Variants in BBS9 observed in about 807,000 individuals in gnomAD.
BBS9 encodes Bardet-Biedl syndrome 9.
Under a neutral mutation model 117.7 loss-of-function variants are expected in BBS9, and 89 were observed. That is an observed-to-expected ratio of 0.76 (90% CI 0.64 to 0.90). The LOEUF (loss-of-function observed/expected upper bound fraction) is 0.90, where lower values mean the gene tolerates loss of function less well. BBS9 is among the 40% of genes least tolerant of loss of function. BBS9 has a pLI of 0.00. For missense variants in BBS9, 982 were observed against 1,042.2 expected (o/e 0.94, Z 0.80); for synonymous variants, 379 against 370.9 (o/e 1.02, Z -0.25).
chr7:33,524,717 T>G (rs1346866352), intron 20 of BBS9, among the ~76,000 whole-genome samples: 1 of 152,190 alleles, frequency 6.6e-6, no homozygotes, highest in Non-Finnish European at 1.5e-5. Flanking sequence ...GATTCATTGA[T>G]TTTTTGAAGG....
intron 5 of BBS9, among the ~76,000 whole-genome samples, chr7:33,248,028 G>C (rs1342338720): frequency 6.6e-6 from 1 of 152,082 alleles, no homozygotes; most frequent in East Asian, 1.9e-4. Flanking sequence ...TCTTTGTGAG[G>C]CAATTAAAAT....
Position 33,534,069 on chromosome 7 carries a change from C to G in BBS9, c.2414C>G (p.Thr805Arg). ...AGCCAGCTGAACATACCCAAAGACA[C>G]AAGCCAACTGAAGAAACATATCACC... Reference protein sequence around the residue: ...LNSQLNIPKDTSQLKKHITLL... With the variant: ...LNSQLNIPKDRSQLKKHITLL... The change falls in exon 21 of 23, where the codon ACA (threonine) becomes AGA (arginine). Residue 805 changes from threonine to arginine, a missense_variant. Coordinates refer to ENST00000242067, the MANE Select transcript of BBS9 (RefSeq NM_198428.3). 1 of 1,614,208 alleles carries G rather than the reference C, an allele frequency of 6.2e-7. No individual in the cohort carries two copies. Among genetic ancestry groups the G allele is most frequent in the South Asian group, 1.1e-5 (1 of 91,086 alleles).
At chr7:33,503,916 G>A (rs1845800399) in intron 19 of BBS9, among the ~76,000 whole-genome samples, 1 of 152,138 alleles carries the variant, frequency 6.6e-6, no homozygotes, top group Non-Finnish European at 1.5e-5. Flanking sequence ...AGCTCCGTTT[G>A]AGTAAAAGAG....
intron 21 of BBS9, among the ~76,000 whole-genome samples, chr7:33,537,747 G>T (rs190044343): frequency 1.2e-3 from 189 of 152,238 alleles, no homozygotes; most frequent in African/African-American, 4.5e-3. Flanking sequence ...TTTTGCAGGA[G>T]GCTTCCTTTT....
chr7:33,337,666 T>G lies in BBS9; in HGVS notation c.1198+1044T>G, dbSNP rs567509692. Among the ~76,000 whole-genome samples the G allele has an allele frequency of 3.3e-5, 5 of 152,270 alleles. No individual in the cohort carries two copies. The East Asian group carries it at 7.7e-4, about 23-fold the overall frequency. On this transcript the variant is annotated intron_variant, in intron 10 of 22. Transcript: ENST00000242067. ...ACCTCCAATTACTTAAAAATCTATT[T>G]GTTGTCAGCGCTGCCATGTCAAATA...
At chr7:33,359,495 C>T (rs924466377) in intron 16 of BBS9, among the ~76,000 whole-genome samples, 1 of 152,002 alleles carries the variant, frequency 6.6e-6, no homozygotes, top group Non-Finnish European at 1.5e-5. Context: ...TTGCTTCTTA[C>T]TCACTTTAGG....
chr7:33,184,179 C>T (rs971485044), intron 5 of BBS9, among the ~76,000 whole-genome samples: 5 of 151,702 alleles, frequency 3.3e-5, no homozygotes, highest in African/African-American at 9.7e-5. Flanking sequence ...GGTGGGAAGA[C>T]GAGGAGCTTA....
intron 19 of BBS9, among the ~76,000 whole-genome samples, chr7:33,481,714 T>A (rs1216962562): frequency 6.6e-6 from 1 of 152,196 alleles, no homozygotes; most frequent in Non-Finnish European, 1.5e-5. Context: ...ATGCCCTTTT[T>A]AAATTTAGCT....
intron 21 of BBS9, among the ~76,000 whole-genome samples, chr7:33,554,465 G>C (rs1264140615): frequency 6.6e-6 from 1 of 152,118 alleles, no homozygotes; most frequent in Admixed American, 6.5e-5. Flanking sequence ...CACAGAGCTT[G>C]GTGCTGGATT....
At chr7:33,406,168 A>G (rs1170939687) in intron 19 of BBS9, among the ~76,000 whole-genome samples, 2 of 152,014 alleles carry the variant, frequency 1.3e-5, no homozygotes, top group African/African-American at 4.8e-5. Context: ...GAGTTTCTTA[A>G]TCCTGAGTTC....
chr7:33,289,911 A>G (rs1803669974), intron 9 of BBS9, among the ~76,000 whole-genome samples: 1 of 151,916 alleles, frequency 6.6e-6, no homozygotes, highest in African/African-American at 2.4e-5. Context: ...GCGTAGTGCT[A>G]CAGGTGTGCC....
At chr7:33,382,321 G>A (rs994560249) in intron 17 of BBS9, among the ~76,000 whole-genome samples, 2 of 152,040 alleles carry the variant, frequency 1.3e-5, no homozygotes, top group African/African-American at 4.8e-5. Context: ...TTGGCTGTGT[G>A]TCATTGCAGG....
At chr7:33,483,585 C>T (rs1333889024) in intron 19 of BBS9, among the ~76,000 whole-genome samples, 3 of 151,896 alleles carry the variant, frequency 2.0e-5, no homozygotes, top group Admixed American at 6.6e-5. Flanking sequence ...TTCAGTATCA[C>T]GTGATATTTT....
chr7:33,462,801 G>A (rs1839655472), intron 19 of BBS9, among the ~76,000 whole-genome samples: 1 of 152,022 alleles, frequency 6.6e-6, no homozygotes. Flanking sequence ...AAGGACACAT[G>A]TTGGATGGGC....
intron 5 of BBS9, among the ~76,000 whole-genome samples, chr7:33,255,545 G>A (rs147989728): frequency 1.6e-4 from 24 of 152,162 alleles, no homozygotes; most frequent in East Asian, 7.7e-4. Context: ...TTATAAAAAC[G>A]ACAATTCTTA....
chr7:33,492,209 AAAAACAAAAAAAAAAC>A lies in BBS9; in HGVS notation c.2116-13249_2116-13234del, dbSNP rs1844039964. Among the ~76,000 whole-genome samples the A allele has an allele frequency of 3.4e-5, 5 of 147,882 alleles. No individual in the cohort carries two copies. The Middle Eastern group carries it at 0.014, about 405-fold the overall frequency. On this transcript the variant is annotated intron_variant, in intron 19 of 22. Coordinates refer to ENST00000242067, the MANE Select transcript of BBS9 (RefSeq NM_198428.3). ...CAAAGCAAGATTCCACCTCGAAAAAAAAAACAAAAAAAAAACAAAAAAAAAACTTGGTTGAGTGTTT... is the reference window on the plus strand; with the variant it reads ...CAAAGCAAGATTCCACCTCGAAAAAAAAAAAAAAAACTTGGTTGAGTGTTT...
At chr7:33,181,727 A>T (rs1471400112) in intron 5 of BBS9, among the ~76,000 whole-genome samples, 9 of 152,352 alleles carry the variant, frequency 5.9e-5, no homozygotes, top group Non-Finnish European at 1.3e-4. Flanking sequence ...TTCTTTTACA[A>T]GATTAATTTT....
chr7:33,427,046 T>G (rs879429527), intron 19 of BBS9, among the ~76,000 whole-genome samples: 3 of 152,046 alleles, frequency 2.0e-5, no homozygotes, highest in Non-Finnish European at 4.4e-5. Flanking sequence ...TATAAAAGAT[T>G]TGGGTTCCCT....
chr7:33,464,242 A>G (rs555389236), intron 19 of BBS9, among the ~76,000 whole-genome samples: 12 of 152,192 alleles, frequency 7.9e-5, no homozygotes, highest in African/African-American at 2.9e-4. Context: ...AACAAACATG[A>G]GCCTTACGAA....
Sources: allele counts gnomAD v4.1 joint callset (sites outside exome capture counted in the v4.1 genomes callset), GRCh38; gene constraint gnomAD v4.1.1; transcripts MANE v1.5; gene names NCBI Gene and HGNC (gene_info 2026-07-23, HGNC 2026-07-21).